TOM1: variants seen among roughly 807,000 people sequenced by gnomAD.
TOM1 encodes the protein target of Myb protein 1.
In TOM1, 38 loss-of-function variants were observed where a neutral mutation model predicts 61.3. That is an observed-to-expected ratio of 0.62 (90% CI 0.48 to 0.81). TOM1 has a LOEUF of 0.81. TOM1 is among the 40% of genes least tolerant of loss of function. TOM1 has a pLI of 0.00. For missense variants in TOM1, 591 were observed against 659.6 expected (o/e 0.90, Z 1.14); for synonymous variants, 270 against 268.8 (o/e 1.00, Z -0.04).
chr22:35,313,116 G>A (rs1240452141), intron 1 of TOM1, among the ~76,000 whole-genome samples: 5 of 152,168 alleles, frequency 3.3e-5, no homozygotes, highest in African/African-American at 1.2e-4. Context: ...GGAGGCCAAG[G>A]CGGGTGGATC....
At chr22:35,302,306 TTTTTTCTTTTTC>T (rs1490823354) in intron 1 of TOM1, among the ~76,000 whole-genome samples, 3 of 149,474 alleles carry the variant, frequency 2.0e-5, no homozygotes, top group Non-Finnish European at 4.4e-5. Context: ...GAATTTCTTT[TTTTTTCTTTTTC>T]TTTTTCTTTT....
chr22:35,323,761 C>A lies in TOM1; in HGVS notation c.502-7C>A. On this transcript the variant is annotated splice_polypyrimidine_tract_variant and splice_region_variant and intron_variant, in intron 5 of 14. Transcript: ENST00000449058. The surrounding 1 kb of genome is among the most constrained non-coding windows in gnomAD (Gnocchi z 4.2). ...AGCCCTCACTGATCCTGTTTTCCTC[C>A]CACTAGACCGTGTTCAACTCAGAGA... 1 of 1,602,520 alleles carries A rather than the reference C, an allele frequency of 6.2e-7. No individual in the cohort carries two copies. The highest frequency in any genetic ancestry group is 8.5e-7 in the Non-Finnish European group (1 of 1,172,562).
chr22:35,323,432 T>C lies in TOM1; in HGVS notation c.367-64T>C. 2.5e-6 allele frequency: 4 copies of C among 1,579,416 alleles called. No homozygotes were observed. Among genetic ancestry groups the C allele is most frequent in the Non-Finnish European group, 3.4e-6 (4 of 1,162,810 alleles). On this transcript the variant is annotated intron_variant, in intron 4 of 14. Coordinates refer to ENST00000449058, the MANE Select transcript of TOM1 (RefSeq NM_005488.3). The surrounding 1 kb of genome is among the most constrained non-coding windows in gnomAD (Gnocchi z 4.2). Reference sequence around the variant, plus strand: ...AAAGAATGTCTGTTCTCTGTCTGAGTGCCAGGTGGGCAGGCTCACAGGTGA... The same window carrying C: ...AAAGAATGTCTGTTCTCTGTCTGAGCGCCAGGTGGGCAGGCTCACAGGTGA...
chr22:35,334,711 GA>G (rs2145696172), intron 11 of TOM1, among the ~76,000 whole-genome samples: 1 of 152,326 alleles, frequency 6.6e-6, no homozygotes, highest in East Asian at 1.9e-4. Flanking sequence ...AGTCTGATCA[GA>G]GGGGGAAACT....
rs578123280 is a variant in TOM1, at chr22:35,323,881, C to T, written c.615C>T (p.Ser205=). The T allele has an allele frequency of 4.6e-5, 74 of 1,598,000 alleles. No homozygotes were observed. The highest frequency in any genetic ancestry group is 5.3e-5 in the Non-Finnish European group (62 of 1,172,092). ...AAPLPAPPIL[S]GDTPIAPTPE... ...CTCTGCCCGCCCCGCCCATACTCTC[C>T]GGTGACACGCCCATAGCACCAACCC... The change falls in exon 6 of 15, where the codon TCC becomes TCT. Residue 205 remains serine, a synonymous_variant. Transcript: ENST00000449058. The surrounding 1 kb of genome is among the most constrained non-coding windows in gnomAD (Gnocchi z 4.2).
intron 1 of TOM1, among the ~76,000 whole-genome samples, chr22:35,316,427 C>T (rs1927282081): frequency 6.6e-6 from 1 of 152,240 alleles, no homozygotes; most frequent in Admixed American, 6.5e-5. Context: ...GGCCATGCGG[C>T]ACCTCCCTTT....
intron 1 of TOM1, among the ~76,000 whole-genome samples, chr22:35,311,737 C>G (rs1335038677): frequency 1.3e-5 from 2 of 152,216 alleles, no homozygotes; most frequent in African/African-American, 4.8e-5. Context: ...TAGCAAGTCA[C>G]AAACCTCTGC....
At chr22:35,315,976 G>A (rs1569022958) in intron 1 of TOM1, among the ~76,000 whole-genome samples, 1 of 152,352 alleles carries the variant, frequency 6.6e-6, no homozygotes, top group East Asian at 1.9e-4. Context: ...CCCCGAGCCG[G>A]GGCACAGCCG....
At chr22:35,315,500 A>C (rs535508405) in intron 1 of TOM1, among the ~76,000 whole-genome samples, 1 of 152,298 alleles carries the variant, frequency 6.6e-6, no homozygotes, top group South Asian at 2.1e-4. Context: ...CCCCAAGGGC[A>C]GGGGTGTGGT....
intron 3 of TOM1, 126 bp downstream of exon 3, chr22:35,322,163 C>A: frequency 1.2e-6 from 1 of 807,728 alleles, no homozygotes; most frequent in Admixed American, 2.2e-5. Context: ...GGTCTGTAGG[C>A]AACGCACTGT....
chr22:35,305,173 C>G (rs1052619127), intron 1 of TOM1, among the ~76,000 whole-genome samples: 3 of 152,224 alleles, frequency 2.0e-5, no homozygotes, highest in African/African-American at 4.8e-5. Flanking sequence ...GAGGAGACAC[C>G]AGGCTGGGAG....
chr22:35,306,128 T>A (rs1255794031), intron 1 of TOM1, among the ~76,000 whole-genome samples: 1 of 146,176 alleles, frequency 6.8e-6, no homozygotes, highest in Non-Finnish European at 1.5e-5. Flanking sequence ...TATCATGAAA[T>A]ATTATTCTTC....
chr22:35,330,361 G>A lies in TOM1; in HGVS notation c.780G>A (p.Thr260=), dbSNP rs187202267. The A allele has an allele frequency of 3.5e-5, 56 of 1,612,274 alleles. No homozygotes were observed. The East Asian group carries it at 5.4e-4, about 15-fold the overall frequency. The change falls in exon 8 of 15, where the codon ACG becomes ACA. Residue 260 remains threonine, a synonymous_variant. Coordinates refer to ENST00000449058, the MANE Select transcript of TOM1 (RefSeq NM_005488.3). ...TTTCCTGGCAGGAGCTCAACCGCAC[G>A]TGCCGAGCCATGCAGCAGCGGGTCC... is the stretch of plus-strand genomic sequence containing the variant. ...DLELLQELNR[T]CRAMQQRVLE... is the part of the protein sequence containing the mutation.
intron 8 of TOM1, among the ~76,000 whole-genome samples, chr22:35,332,481 C>T (rs755154240): frequency 6.6e-6 from 1 of 152,068 alleles, no homozygotes; most frequent in African/African-American, 2.4e-5. Flanking sequence ...CTTGAACAGA[C>T]CCCACACTAA....
intron 1 of TOM1, among the ~76,000 whole-genome samples, chr22:35,304,680 G>A (rs374495709): frequency 7.9e-5 from 12 of 152,064 alleles, no homozygotes; most frequent in African/African-American, 2.9e-4. Context: ...GGGTTTCACC[G>A]TGTTAGCCAG....
rs1427870934 is a variant in TOM1, at chr22:35,345,822, G to T, written c.1284+38G>T. ...CCACTCCTCACCCACACAGCAGGAGGACCCGTTGTTCTCACCAAGAAATGA... is the reference window on the plus strand; with the variant it reads ...CCACTCCTCACCCACACAGCAGGAGTACCCGTTGTTCTCACCAAGAAATGA... On this transcript the variant is annotated intron_variant, in intron 13 of 14. Transcript: ENST00000449058. 4 of 1,608,028 alleles carry T rather than the reference G, an allele frequency of 2.5e-6. No individual in the cohort carries two copies. The East Asian group carries it at 8.9e-5, about 36-fold the overall frequency.
At chr22:35,322,753 C>T (rs998434797) in intron 3 of TOM1, 20 of 425,620 alleles carry the variant, frequency 4.7e-5, no homozygotes, top group Non-Finnish European at 5.9e-5. Flanking sequence ...AGCTCAGAGA[C>T]AGCATTGGGA....
chr22:35,326,018 G>A (rs10483190), intron 6 of TOM1, among the ~76,000 whole-genome samples: 27,447 of 152,146 alleles, frequency 0.18, 3,256 homozygotes, highest in African/African-American at 0.33. Context: ...GAAGGTGTCA[G>A]TGAACCATAG....
chr22:35,328,033 G>T (rs575447123), intron 7 of TOM1, among the ~76,000 whole-genome samples: 1 of 152,306 alleles, frequency 6.6e-6, no homozygotes, highest in East Asian at 1.9e-4. Context: ...GGAGTCACCA[G>T]AATCCATGAG....
Sources: allele counts gnomAD v4.1 joint callset (sites outside exome capture counted in the v4.1 genomes callset), GRCh38; gene constraint gnomAD v4.1.1; non-coding constraint Gnocchi (gnomAD v3.1); transcripts MANE v1.5; gene names NCBI Gene and HGNC (gene_info 2026-07-23, HGNC 2026-07-21).